The following STK33 variants were observed in gnomAD, a reference collection of about 807,000 sequenced individuals.
STK33 encodes serine/threonine kinase 33.
STK33 carries 52 observed loss-of-function variants against 58.0 expected under a neutral mutation model. The ratio of observed to expected loss-of-function variants is 0.90; its 90% confidence interval spans 0.72 to 1.13. The LOEUF is 1.13. STK33 is among the 50% of genes most tolerant of loss of function. The probability of loss-of-function intolerance (pLI) is 0.00; values close to 1 mark genes in which losing one functional copy is unlikely to be tolerated. For synonymous variants in STK33, 215 were observed against 200.1 expected, an observed-to-expected ratio of 1.07 and a Z score of -0.63; for missense variants, 630 against 604.2, an observed-to-expected ratio of 1.04 and a Z score of -0.45.
intron 1 of STK33, among the ~76,000 whole-genome samples, chr11:8,489,007 C>T (rs1025860145): frequency 6.6e-6 from 1 of 151,668 alleles, no homozygotes; most frequent in Non-Finnish European, 1.5e-5. Flanking sequence ...GCCTATAAAC[C>T]CAGCACTTTG....
intron 1 of STK33, among the ~76,000 whole-genome samples, chr11:8,483,697 C>T (rs1273212335): frequency 6.6e-6 from 1 of 152,144 alleles, no homozygotes; most frequent in Non-Finnish European, 1.5e-5. Context: ...GAATAGGCTC[C>T]AGCCAGTACA....
intron 15 of STK33, among the ~76,000 whole-genome samples, chr11:8,400,015 T>A (rs1850102479): frequency 6.6e-6 from 1 of 152,134 alleles, no homozygotes; most frequent in Admixed American, 6.5e-5. Flanking sequence ...ACCAGATGGA[T>A]TCACAGCCAA....
chr11:8,363,664 C>T, the STK33 span, among the ~76,000 whole-genome samples: 2 of 152,254 alleles, frequency 1.3e-5, no homozygotes, highest in Non-Finnish European at 2.9e-5. Flanking sequence ...GCAGGACACA[C>T]AAACAACCGT....
intron 1 of STK33, among the ~76,000 whole-genome samples, chr11:8,560,068 A>T (rs780952547): frequency 6.6e-6 from 1 of 152,124 alleles, no homozygotes; most frequent in South Asian, 2.1e-4. Context: ...TTGCTTCCAA[A>T]TGGTTTCTAT....
intron 1 of STK33, among the ~76,000 whole-genome samples, chr11:8,563,693 C>A (rs1452717511): frequency 6.6e-6 from 1 of 152,096 alleles, no homozygotes; most frequent in Non-Finnish European, 1.5e-5. Context: ...AAGGAAGAGT[C>A]CTCAAGAGTG....
chr11:8,366,623 G>A, the STK33 span, among the ~76,000 whole-genome samples: 14 of 152,310 alleles, frequency 9.2e-5, no homozygotes, highest in East Asian at 2.5e-3. Context: ...CCAGCAAGGT[G>A]GGGCCTGACC....
At chr11:8,555,788 T>C (rs1452004094) in intron 1 of STK33, among the ~76,000 whole-genome samples, 1 of 152,172 alleles carries the variant, frequency 6.6e-6, no homozygotes, top group Non-Finnish European at 1.5e-5. Context: ...GCTGTGTGCA[T>C]GTATCAAAAC....
In STK33 at chr11:8,392,686, GA is replaced by G; in HGVS notation, c.1368del (p.Pro457LeufsTer34). On this transcript the variant is annotated frameshift_variant, in exon 16 of 16. Transcript: ENST00000687296. LOFTEE classifies it low-confidence loss of function (END_TRUNC). ...TCAAAGTTGTCCTTACTGGTTGCAG[GA>G]AATTGCTTTTCATAAGCAGTAGACT... The part of the protein sequence containing the change: ...EKQSTAYEKQ[F>X]PATSKDNFDM... 6.2e-7 allele frequency: 1 copy of G among 1,614,144 alleles called. No homozygotes were observed. The highest frequency in any genetic ancestry group is 8.5e-7 in the Non-Finnish European group (1 of 1,180,012).
intron 15 of STK33, among the ~76,000 whole-genome samples, chr11:8,395,913 T>C (rs1050226371): frequency 3.3e-5 from 5 of 152,240 alleles, no homozygotes; most frequent in East Asian, 1.9e-4. Context: ...ATCTTACCAG[T>C]AGCATACAAG....
At chr11:8,384,261 A>G in the STK33 span, among the ~76,000 whole-genome samples, 1 of 152,216 alleles carries the variant, frequency 6.6e-6, no homozygotes, top group Non-Finnish European at 1.5e-5. Flanking sequence ...CTGAAGGAAC[A>G]CTGTGAGAAG....
chr11:8,457,567 C>A, intron 8 of STK33, 88 bp from the exon 9 acceptor site: 1 of 1,121,296 alleles, frequency 8.9e-7, no homozygotes, highest in South Asian at 2.0e-5. Context: ...CAATCACAGT[C>A]ATAATCATTA....
chr11:8,362,868 CTTCCTCCCTCCCTCCCT>C, the STK33 span, among the ~76,000 whole-genome samples: 2 of 152,004 alleles, frequency 1.3e-5, no homozygotes, highest in African/African-American at 2.4e-5. Flanking sequence ...CCCTCCCTCT[CTTCCTCCCTCCCTCCCT>C]CTTCCTTCCT....
intron 1 of STK33, among the ~76,000 whole-genome samples, chr11:8,541,902 T>C (rs115803880): frequency 7.9e-4 from 120 of 152,288 alleles, no homozygotes; most frequent in African/African-American, 2.6e-3. Flanking sequence ...TTTTAAAGCT[T>C]TGAATGAATT....
intron 15 of STK33, among the ~76,000 whole-genome samples, chr11:8,398,023 T>G (rs1038276267): frequency 3.3e-5 from 5 of 152,184 alleles, no homozygotes; most frequent in African/African-American, 1.2e-4. Context: ...TGGAACCAAG[T>G]TGGAAAACAC....
intron 1 of STK33, among the ~76,000 whole-genome samples, chr11:8,583,936 A>C (rs1478992644): frequency 6.6e-6 from 1 of 152,180 alleles, no homozygotes; most frequent in Non-Finnish European, 1.5e-5. Context: ...AATAACATTC[A>C]ATTCTGAGTA....
At chr11:8,336,571 C>T in the STK33 span, among the ~76,000 whole-genome samples, 1 of 152,228 alleles carries the variant, frequency 6.6e-6, no homozygotes, top group African/African-American at 2.4e-5. Flanking sequence ...GGAAAGTGCA[C>T]GCAGGCAGCA....
intron 15 of STK33, among the ~76,000 whole-genome samples, chr11:8,404,469 T>C (rs761996287): frequency 6.6e-6 from 1 of 152,218 alleles, no homozygotes; most frequent in Non-Finnish European, 1.5e-5. Context: ...ATTCTGATTT[T>C]TTCAACATAA....
chr11:8,419,197 G>C (rs1941563776), intron 14 of STK33, among the ~76,000 whole-genome samples: 1 of 152,128 alleles, frequency 6.6e-6, no homozygotes, highest in African/African-American at 2.4e-5. Context: ...TTGTCTTCCA[G>C]AGTTTTTACA....
chr11:8,547,224 T>C (rs75225517), intron 1 of STK33, among the ~76,000 whole-genome samples: 2,215 of 152,320 alleles, frequency 0.015, 37 homozygotes, highest in Middle Eastern at 0.058. Flanking sequence ...TTTTTGTTTG[T>C]TTCTGTTGAG....
Sources: allele counts gnomAD v4.1 joint callset (sites outside exome capture counted in the v4.1 genomes callset), GRCh38; gene constraint gnomAD v4.1.1; transcripts MANE v1.5; gene names NCBI Gene and HGNC (gene_info 2026-07-23, HGNC 2026-07-21).